ACSL1: variants seen among roughly 807,000 people sequenced by gnomAD.
ACSL1 encodes acyl-CoA synthetase long chain family member 1.
A neutral mutation model predicts 98.4 loss-of-function variants in ACSL1; 41 were observed. The observed-to-expected ratio is 0.42, with a 90% CI of 0.32 to 0.54. ACSL1 has a LOEUF of 0.54. Ranked by LOEUF, ACSL1 falls within the 20% of genes least tolerant of loss-of-function variation. The pLI is 0.13. For synonymous variants in ACSL1, 316 were observed against 322.7 expected, an observed-to-expected ratio of 0.98 and a Z score of 0.22; for missense variants, 734 against 883.1, an observed-to-expected ratio of 0.83 and a Z score of 2.14.
intron 1 of ACSL1, among the ~76,000 whole-genome samples, chr4:184,808,971 T>A (rs115556011): frequency 5.3e-5 from 8 of 152,184 alleles, no homozygotes; most frequent in Non-Finnish European, 8.8e-5. Context: ...TGGGATCCCA[T>A]AACAAACATG....
At chr4:184,758,575 G>A (rs1298233076) in intron 18 of ACSL1, 1 of 152,006 alleles carries the variant, frequency 6.6e-6, no homozygotes, top group Non-Finnish European at 1.5e-5. Flanking sequence ...TAAATAAAAT[G>A]TATATAGGTT....
intron 16 of ACSL1, 52 bp downstream of exon 16, chr4:184,763,115 A>C: frequency 1.3e-6 from 2 of 1,579,426 alleles, no homozygotes; most frequent in Non-Finnish European, 1.7e-6. Flanking sequence ...CGCAAAGGCC[A>C]GCGATCACAG....
rs1410741693 is a variant in ACSL1 at position 184,756,250 on chromosome 4, G to A, written c.*875C>T. 1 of 152,654 alleles carries A rather than the reference G, an allele frequency of 6.6e-6. No individual in the cohort carries two copies. The highest frequency in any genetic ancestry group is 1.5e-5 in the Non-Finnish European group (1 of 68,040). 9.5% of individuals were successfully genotyped at this position (152,654 alleles called of 1,614,324 possible). ...GAGTGAGTGGTTCAGTGAAGATAAA[G>A]TAGACAGTTATTCAGGCGTCACAGC... On this transcript the variant is annotated 3_prime_UTR_variant, in exon 21 of 21. Coordinates refer to ENST00000281455, the MANE Select transcript of ACSL1 (RefSeq NM_001995.5).
At chr4:184,805,257 A>C (rs992391154) in intron 1 of ACSL1, among the ~76,000 whole-genome samples, 1 of 152,194 alleles carries the variant, frequency 6.6e-6, no homozygotes, top group Non-Finnish European at 1.5e-5. Flanking sequence ...TTTTCTGCTA[A>C]AATTTAAATT....
At chr4:184,779,211 C>G (rs1043961114) in intron 5 of ACSL1, among the ~76,000 whole-genome samples, 9 of 152,000 alleles carry the variant, frequency 5.9e-5, no homozygotes, top group Non-Finnish European at 5.9e-5. Context: ...TGGGAGGGAC[C>G]CTGGGGGAGG....
chr4:184,799,172 G>A (rs1339210255), intron 2 of ACSL1: 5 of 147,606 alleles, frequency 3.4e-5, no homozygotes, highest in African/African-American at 1.0e-4. Flanking sequence ...CCGCTGGAGT[G>A]CGGTGGTGCA....
At chr4:184,809,552 G>A (rs1771817005) in intron 1 of ACSL1, among the ~76,000 whole-genome samples, 1 of 152,128 alleles carries the variant, frequency 6.6e-6, no homozygotes, top group African/African-American at 2.4e-5. Context: ...CAGCACTTTG[G>A]GAGGCCGAGG....
chr4:184,784,891 C>T (rs1766951758), intron 3 of ACSL1, among the ~76,000 whole-genome samples: 1 of 152,198 alleles, frequency 6.6e-6, no homozygotes. Flanking sequence ...GAGCTATTCT[C>T]GGACCCTCTC....
intron 2 of ACSL1, among the ~76,000 whole-genome samples, chr4:184,799,273 C>A (rs531696081): frequency 6.6e-6 from 1 of 152,010 alleles, no homozygotes; most frequent in African/African-American, 2.4e-5. Context: ...CACGCCACCA[C>A]GCCTGGCTAA....
chr4:184,805,381 G>T, intron 1 of ACSL1: 1 of 687,446 alleles, frequency 1.5e-6, no homozygotes, highest in Non-Finnish European at 1.8e-6. Context: ...ATGAATCCAT[G>T]TAAGTGTACT....
At chr4:184,806,198 G>A (rs1019956647) in intron 1 of ACSL1, among the ~76,000 whole-genome samples, 2 of 152,168 alleles carry the variant, frequency 1.3e-5, no homozygotes, top group Non-Finnish European at 2.9e-5. Flanking sequence ...TGCAAGGCAC[G>A]GGGGAAGGCC....
intron 1 of ACSL1, among the ~76,000 whole-genome samples, chr4:184,809,874 A>G (rs1461257829): frequency 6.6e-6 from 1 of 152,252 alleles, no homozygotes. Flanking sequence ...ATGCATCTTC[A>G]AACAGGGTTT....
intron 18 of ACSL1, chr4:184,758,186 G>A (rs543214957): frequency 2.4e-5 from 10 of 411,760 alleles, no homozygotes; most frequent in East Asian, 2.1e-4. Context: ...TCTCTAATTC[G>A]TATTTACTTT....
rs760880493 is a variant in ACSL1, at chr4:184,766,726, G to A, written c.1159C>T (p.Arg387Ter). The A allele has an allele frequency of 3.1e-6, 5 of 1,613,552 alleles. No individual in the cohort carries two copies. Among genetic ancestry groups the A allele is most frequent in the East Asian group, 4.5e-5 (2 of 44,878 alleles). Reference protein sequence around the residue: ...IFGQANTTLKRWLLDFASKRK... With the variant: ...IFGQANTTLK Reference sequence around the variant, plus strand: ...TTGGAGGCAAAGTCCAAGAGCCATCGCTTCAGCGTGGTGTTTGCTTGTCCG... The same window carrying A: ...TTGGAGGCAAAGTCCAAGAGCCATCACTTCAGCGTGGTGTTTGCTTGTCCG... The change falls in exon 13 of 21, where the codon CGA becomes TGA. Residue 387 changes from arginine (R) to a stop codon, truncating the protein, a stop_gained. Transcript: ENST00000281455. LOFTEE classifies it high-confidence loss of function. The surrounding 1 kb of genome is among the most constrained non-coding windows in gnomAD (Gnocchi z 4.8).
rs1178183034 is a variant in ACSL1 at position 184,803,030 on chromosome 4, C to T, written c.195+290G>A. Among the ~76,000 whole-genome samples the T allele has an allele frequency of 6.6e-6, 1 of 152,092 alleles. No homozygotes were observed. Among genetic ancestry groups the T allele is most frequent in the African/African-American group, 2.4e-5 (1 of 41,376 alleles). On this transcript the variant is annotated intron_variant, in intron 2 of 20. Coordinates refer to ENST00000281455, the MANE Select transcript of ACSL1 (RefSeq NM_001995.5). The surrounding 1 kb of genome is among the most constrained non-coding windows in gnomAD (Gnocchi z 4.8). Reference sequence around the variant, plus strand: ...GTGCTATATTTTTCCTTATGGAATCCTCCAGGCTGACCACAGTGCCTACCA... The same window carrying T: ...GTGCTATATTTTTCCTTATGGAATCTTCCAGGCTGACCACAGTGCCTACCA...
intron 1 of ACSL1, chr4:184,821,216 T>C: frequency 2.4e-6 from 1 of 423,982 alleles, no homozygotes; most frequent in Non-Finnish European, 4.8e-6. Context: ...CAGCCCTGCT[T>C]TGTGGCAGAC....
intron 4 of ACSL1, among the ~76,000 whole-genome samples, chr4:184,782,641 T>C (rs1262993443): frequency 6.6e-6 from 1 of 152,172 alleles, no homozygotes; most frequent in East Asian, 1.9e-4. Flanking sequence ...AAACTACTAT[T>C]TGTGCAAGAA....
At chr4:184,814,776 A>C (rs148607488) in intron 1 of ACSL1, among the ~76,000 whole-genome samples, 54 of 152,280 alleles carry the variant, frequency 3.5e-4, no homozygotes, top group Middle Eastern at 3.4e-3. Flanking sequence ...GACAGATAGG[A>C]TATAAACCCC....
intron 7 of ACSL1, among the ~76,000 whole-genome samples, chr4:184,775,026 C>G (rs1765072689): frequency 1.3e-5 from 2 of 152,142 alleles, no homozygotes. Flanking sequence ...AAATAAAGCA[C>G]CAGTTACATA....
Sources: allele counts gnomAD v4.1 joint callset (sites outside exome capture counted in the v4.1 genomes callset), GRCh38; gene constraint gnomAD v4.1.1; non-coding constraint Gnocchi (gnomAD v3.1); transcripts MANE v1.5; gene names NCBI Gene and HGNC (gene_info 2026-07-23, HGNC 2026-07-21).